Variants in LANCL3 observed in about 807,000 individuals in gnomAD.
LANCL3 encodes lanC-like protein 3.
Under a neutral mutation model 26.5 loss-of-function variants are expected in LANCL3, and 19 were observed. That is an observed-to-expected ratio of 0.72 (90% CI 0.50 to 1.05). The LOEUF (loss-of-function observed/expected upper bound fraction) is 1.05. LANCL3 is among the 50% of genes least tolerant of loss of function. The pLI, the probability that LANCL3 is intolerant of heterozygous loss-of-function variation, is 0.00. For synonymous variants in LANCL3, 160 were observed against 166.6 expected (o/e 0.96, Z 0.30); for missense variants, 318 against 362.7 (o/e 0.88, Z 1.00).
chrX:37,652,210 C>T (rs1926166678), intron 1 of LANCL3, among the ~76,000 whole-genome samples: 1 of 111,074 alleles, frequency 9.0e-6, no homozygotes, highest in African/African-American at 3.3e-5. Flanking sequence ...GCAAAGACTG[C>T]CACTTCCTGT....
chrX:37,657,720 G>A (rs782726690), intron 2 of LANCL3, among the ~76,000 whole-genome samples: 2 of 110,036 alleles, frequency 1.8e-5, no homozygotes, highest in South Asian at 7.9e-4. Flanking sequence ...TCTATCTAGT[G>A]CATAAATATT....
At chrX:37,654,566 A>G (rs1178871398) in intron 1 of LANCL3, among the ~76,000 whole-genome samples, 1 of 112,190 alleles carries the variant, frequency 8.9e-6, no homozygotes, top group Non-Finnish European at 1.9e-5. Flanking sequence ...TCATATCTCC[A>G]GCATCCAGAA....
intron 1 of LANCL3, among the ~76,000 whole-genome samples, chrX:37,579,217 A>T (rs1923832664): frequency 9.1e-6 from 1 of 110,379 alleles, no homozygotes; most frequent in Non-Finnish European, 1.9e-5. Context: ...TTATACTATA[A>T]CCCTTATTGA....
rs781841919 is a variant in LANCL3, at chrX:37,653,199, G to A, written c.574-2489G>A. Among the ~76,000 whole-genome samples, 11 of 110,774 alleles carry A rather than the reference G, an allele frequency of 9.9e-5. No homozygotes were observed. The South Asian group carries it at 3.2e-3, about 32-fold the overall frequency. On this transcript the variant is annotated intron_variant, in intron 1 of 4. Coordinates refer to ENST00000378619, the MANE Select transcript of LANCL3 (RefSeq NM_001170331.2). ...ATTCCCTATTCTAAGCTGTGGATTCGGGATAGAAAGAAAGGGGGAGGGCAC... is the reference window on the plus strand; with the variant it reads ...ATTCCCTATTCTAAGCTGTGGATTCAGGATAGAAAGAAAGGGGGAGGGCAC...
At chrX:37,582,338 G>T (rs1292257392) in intron 1 of LANCL3, among the ~76,000 whole-genome samples, 6 of 111,842 alleles carry the variant, frequency 5.4e-5, no homozygotes, top group Admixed American at 9.4e-5. Context: ...TCTAGTTCTA[G>T]ATCCCTGAGG....
intron 1 of LANCL3, among the ~76,000 whole-genome samples, chrX:37,640,958 G>T (rs1925847426): frequency 9.0e-6 from 1 of 111,453 alleles, no homozygotes; most frequent in African/African-American, 3.3e-5. Context: ...GTAGTTAGGG[G>T]ATGCAGATGG....
intron 1 of LANCL3, among the ~76,000 whole-genome samples, chrX:37,589,129 A>G (rs1556418564): frequency 8.9e-6 from 1 of 112,112 alleles, no homozygotes; most frequent in Admixed American, 9.4e-5. Context: ...TATATCATTA[A>G]CATAATCTTG....
At chrX:37,612,628 T>A (rs1924906558) in intron 1 of LANCL3, among the ~76,000 whole-genome samples, 1 of 112,265 alleles carries the variant, frequency 8.9e-6, no homozygotes, top group Non-Finnish European at 1.9e-5. Context: ...TATAACAATA[T>A]TTTTGGAGTG....
intron 3 of LANCL3, among the ~76,000 whole-genome samples, chrX:37,661,015 G>T (rs1926408896): frequency 9.4e-6 from 1 of 106,393 alleles, no homozygotes; most frequent in East Asian, 2.8e-4. Flanking sequence ...GGCGGGGGGG[G>T]AACAAGTTAT....
intron 1 of LANCL3, among the ~76,000 whole-genome samples, chrX:37,596,974 C>T (rs1166156496): frequency 8.9e-6 from 1 of 111,966 alleles, no homozygotes; most frequent in African/African-American, 3.2e-5. Context: ...ACAGTCACTC[C>T]TCTATTCCTC....
intron 1 of LANCL3, among the ~76,000 whole-genome samples, chrX:37,582,691 G>C (rs1923934013): frequency 9.0e-6 from 1 of 110,930 alleles, no homozygotes; most frequent in Non-Finnish European, 1.9e-5. Context: ...AAATTTGGTT[G>C]AGTTCTTGTA....
intron 1 of LANCL3, among the ~76,000 whole-genome samples, chrX:37,619,614 A>G (rs1338935802): frequency 8.9e-6 from 1 of 112,025 alleles, no homozygotes. Flanking sequence ...ATTTGGCAGC[A>G]TACTTTATTA....
chrX:37,605,146 A>G lies in LANCL3; in HGVS notation c.573+32703A>G, dbSNP rs140522208. On this transcript the variant is annotated intron_variant, in intron 1 of 4. Transcript: ENST00000378619. ...CCAGACAGCTTTCTTCACAGGTATC[A>G]TGGGCCATTTATCCTTACGCCTCCG... is the stretch of plus-strand genomic sequence containing the variant. 6.6e-3 allele frequency among the ~76,000 whole-genome samples: 735 copies of G among 111,988 alleles called. 4 individuals carry two copies. Among genetic ancestry groups the G allele is most frequent in the African/African-American group, 0.022 (684 of 30,819 alleles).
intron 1 of LANCL3, among the ~76,000 whole-genome samples, chrX:37,580,722 C>T (rs1923871853): frequency 9.0e-6 from 1 of 110,916 alleles, no homozygotes; most frequent in South Asian, 4.0e-4. Flanking sequence ...CCCCACCCAC[C>T]TCCAGCTTCT....
chrX:37,575,716 C>T (rs1296351925), intron 1 of LANCL3, among the ~76,000 whole-genome samples: 8 of 112,148 alleles, frequency 7.1e-5, no homozygotes, highest in Non-Finnish European at 1.3e-4. Context: ...CCTGGGTGAT[C>T]CTGATGTTGC....
intron 1 of LANCL3, among the ~76,000 whole-genome samples, chrX:37,575,558 T>C (rs1169319415): frequency 8.9e-6 from 1 of 112,050 alleles, no homozygotes; most frequent in Non-Finnish European, 1.9e-5. Flanking sequence ...ACTGCCAAAG[T>C]TTCAGTAAAT....
At chrX:37,615,160 A>C (rs1924972328) in intron 1 of LANCL3, among the ~76,000 whole-genome samples, 1 of 111,732 alleles carries the variant, frequency 8.9e-6, no homozygotes, top group Non-Finnish European at 1.9e-5. Flanking sequence ...CTCCCTTATC[A>C]TCTACCCTGT....
At position 37,679,647 on chromosome X, in the gene LANCL3, T is replaced by C. The variant is rs1453822394; in HGVS notation, c.*3834T>C. On this transcript the variant is annotated 3_prime_UTR_variant, in exon 5 of 5. Coordinates refer to ENST00000378619, the MANE Select transcript of LANCL3 (RefSeq NM_001170331.2). ...TATAGTGATCAAAATATACTCTCAA[T>C]TGCATATTAGGCCTTCCTTTGGGGA... is the stretch of plus-strand genomic sequence containing the variant. The C allele has an allele frequency of 8.9e-6, 1 of 111,767 alleles. No homozygotes were observed. The allele number at this position is 111,767 out of a possible 1,213,427, so 9.2% of individuals were successfully genotyped here.
At chrX:37,613,151 T>A (rs782668057) in intron 1 of LANCL3, among the ~76,000 whole-genome samples, 98 of 110,028 alleles carry the variant, frequency 8.9e-4, no homozygotes, top group Non-Finnish European at 1.5e-3. Flanking sequence ...ACACAAACTC[T>A]GCATCTCCTT....
Sources: gnomAD v4.1 joint callset for allele counts (sites outside exome capture counted in the v4.1 genomes callset) on GRCh38, gnomAD v4.1.1 for gene constraint, MANE v1.5 for transcripts, NCBI Gene and HGNC (gene_info 2026-07-23, HGNC 2026-07-21) for gene names.